The following RRP9 variants were observed in gnomAD, a reference collection of about 807,000 sequenced individuals.
The protein encoded by RRP9 is ribosomal RNA processing 9, U3 small nucleolar RNA binding protein.
Under a neutral mutation model 65.5 loss-of-function variants are expected in RRP9, and 35 were observed. The ratio of observed to expected loss-of-function variants is 0.53; its 90% CI spans 0.41 to 0.71. RRP9 has a LOEUF of 0.71. Ranked by LOEUF, RRP9 falls within the 30% of genes least tolerant of loss-of-function variation. RRP9 has a pLI of 0.00. For synonymous variants in RRP9, 254 were observed against 245.0 expected (o/e 1.04, Z -0.34); for missense variants, 533 against 633.6 (o/e 0.84, Z 1.70).
rs1699425690 is a variant in RRP9, at chr3:51,934,293, G to C, written c.1260+179C>G. Among the ~76,000 whole-genome samples, 1 of 152,194 alleles carries C rather than the reference G, an allele frequency of 6.6e-6. No homozygotes were observed. ...ACCCCAGCACCCTGGACAGGGCCTA[G>C]GATAGGAAGGGGAGCAGAGGAGGGA... On this transcript the variant is annotated intron_variant, in intron 13 of 14. Coordinates refer to ENST00000232888, the MANE Select transcript of RRP9 (RefSeq NM_004704.5). The surrounding 1 kb of genome is among the most constrained non-coding windows in gnomAD (Gnocchi z 4.1).
At position 51,936,348 on chromosome 3, in the gene RRP9, G is replaced by A. The variant is rs753881654; in HGVS notation, c.644C>T (p.Ala215Val). The A allele has an allele frequency of 2.1e-5, 34 of 1,614,072 alleles. No individual in the cohort carries two copies. The South Asian group carries it at 3.3e-4, about 16-fold the overall frequency. The change falls in exon 8 of 15, where the codon GCC becomes GTC. Residue 215 changes from alanine to valine, a missense_variant and splice_region_variant. Around this residue, in one of 3 missense-constraint regions of RRP9, gnomAD observed 449 missense variants for 550.6 expected, o/e 0.82. Transcript: ENST00000232888. The stretch of plus-strand genomic sequence containing the variant: ...AATGAGCTTGCTGCGGTCACCAGAG[G>A]CCTGCAGGGATGAAGACAATGATCA... ...MAISSDGKYL[A>V]SGDRSKLILI...
intron 1 of RRP9, 57 bp downstream of exon 1, chr3:51,941,724 G>A (rs1699536285): frequency 6.9e-7 from 1 of 1,448,752 alleles, no homozygotes; most frequent in Admixed American, 2.0e-5. Flanking sequence ...CCCTGGATGG[G>A]ATGACGGTTG....
At position 51,941,895 on chromosome 3, in the gene RRP9, C is replaced by T. The variant is rs1464871738; in HGVS notation, c.-28G>A. The T allele has an allele frequency of 2.1e-5, 32 of 1,548,706 alleles. No homozygotes were observed. The highest frequency in any genetic ancestry group is 5.5e-5 in the Admixed American group (3 of 55,030). The stretch of plus-strand genomic sequence containing the variant: ...TGCCCACCAGGCGTGTAGCAGCGGC[C>T]GCAGAACTCACGTGGCAGCTGAACC... On this transcript the variant is annotated 5_prime_UTR_variant, in exon 1 of 15. Transcript: ENST00000232888.
In RRP9 at chr3:51,937,947, C is replaced by T. The variant is rs945204074; in HGVS notation, c.280+148G>A. ...CAGGAGGCCCATGAGAGCTTCTGGC[C>T]ACCCCCACAGGGCAGCCAGCACTGA... On this transcript the variant is annotated intron_variant, in intron 3 of 14. Transcript: ENST00000232888. The surrounding 1 kb of genome is among the most constrained non-coding windows in gnomAD (Gnocchi z 5.0). The T allele has an allele frequency of 1.7e-4, 152 of 904,406 alleles. 1 individual carries two copies. The highest frequency in any genetic ancestry group is 1.4e-3 in the Middle Eastern group (4 of 2,882). The allele number at this position is 904,406 out of a possible 1,614,324, so 56.0% of individuals were successfully genotyped here.
At chr3:51,941,566 G>T (rs1699533204) in intron 1 of RRP9, 75 bp from the exon 2 acceptor site, 1 of 1,366,960 alleles carries the variant, frequency 7.3e-7, no homozygotes, top group Non-Finnish European at 1.0e-6. Context: ...CCCCCCCCTC[G>T]GTTCCCTCAG....
At chr3:51,936,059 T>G (rs542998931) in intron 8 of RRP9, among the ~76,000 whole-genome samples, 198 bp downstream of exon 8, 5 of 152,286 alleles carry the variant, frequency 3.3e-5, no homozygotes, top group African/African-American at 1.2e-4. Flanking sequence ...CGTTGATTCC[T>G]GAGCAAGCTC....
Position 51,937,729 on chromosome 3 carries a change from C to T in RRP9, c.288G>A (p.Glu96=), listed in dbSNP as rs1699476074. The part of the protein sequence containing the change: ...YLEQLRQQEE[E]KAEARAFEED... ...CCTCAAATGCACGGGCCTCAGCCTT[C>T]TCCTCCTCTGTGCAGGACAGACCAG... The change falls in exon 4 of 15, where the codon GAG becomes GAA. Residue 96 remains glutamate (E), a synonymous_variant. Coordinates refer to ENST00000232888, the MANE Select transcript of RRP9 (RefSeq NM_004704.5). The surrounding 1 kb of genome is among the most constrained non-coding windows in gnomAD (Gnocchi z 5.0). 1.2e-6 allele frequency: 2 copies of T among 1,614,126 alleles called. No individual in the cohort carries two copies. The highest frequency in any genetic ancestry group is 2.2e-5 in the East Asian group (1 of 44,884).
chr3:51,941,457 C>A lies in RRP9; in HGVS notation c.122G>T (p.Gly41Val), dbSNP rs1297588041. 4.3e-6 allele frequency: 7 copies of A among 1,614,178 alleles called. No homozygotes were observed. ...GATCTCCTCATTCATCTTGCCGCCA[C>A]CCTTGGATTTGCCCCTGTCCCCCGC... ...DSAGDRGKSK[G>V]GGKMNEEISS... Residue 41 changes from glycine (G) to valine (V), a missense_variant, in exon 2 of 15, where the codon GGT (glycine) becomes GTT (valine). Physicochemically the swap from Gly to Val is moderately radical, Grantham distance 109. Transcript: ENST00000232888.
Position 51,938,217 on chromosome 3 carries a change from AGGGGCT to A in RRP9, c.171-19_171-14del, listed in dbSNP as rs1699480380. The A allele has an allele frequency of 6.5e-7, 1 of 1,541,684 alleles. No homozygotes were observed. The highest frequency in any genetic ancestry group is 8.7e-7 in the Non-Finnish European group (1 of 1,147,080). The stretch of plus-strand genomic sequence containing the variant: ...CCTTGGAGCTAGGCTGTGGGCAGGA[AGGGGCT>A]GGGTCTGAGGGGCTCACCTTGTTCC... On this transcript the variant is annotated splice_polypyrimidine_tract_variant and intron_variant, in intron 2 of 14. Transcript: ENST00000232888.
chr3:51,936,652 A>T, intron 6 of RRP9, 97 bp from the exon 7 acceptor site: 1 of 1,348,456 alleles, frequency 7.4e-7, no homozygotes. Context: ...AGCCATGGCA[A>T]ATGTCCCGGA....
At chr3:51,935,822 C>A in intron 8 of RRP9, 130 bp from the exon 9 acceptor site, 1 of 701,402 alleles carries the variant, frequency 1.4e-6, no homozygotes, top group South Asian at 1.6e-5. Flanking sequence ...GTACTGCCCA[C>A]ATGCCCATCT....
intron 2 of RRP9, among the ~76,000 whole-genome samples, chr3:51,940,471 C>T (rs56746340): frequency 0.025 from 3,853 of 152,168 alleles, 170 homozygotes; most frequent in African/African-American, 0.089. Context: ...AGGGAGGCAT[C>T]CAAAGCCCTC....
At position 51,940,818 on chromosome 3, in the gene RRP9, T is replaced by C. The variant is rs79127582; in HGVS notation, c.170+591A>G. 2.2e-3 allele frequency among the ~76,000 whole-genome samples: 331 copies of C among 152,248 alleles called. 3 individuals carry two copies. The highest frequency in any genetic ancestry group is 7.1e-3 in the African/African-American group (296 of 41,526). On this transcript the variant is annotated intron_variant, in intron 2 of 14. Transcript: ENST00000232888. ...ATGAGTTACCAGGCCCAGCCCCCTT[T>C]CATCTTTTCTACTGCCCATTCTGGC...
Position 51,934,282 on chromosome 3 carries a change from G to C in RRP9, c.1260+190C>G, listed in dbSNP as rs899162418. On this transcript the variant is annotated intron_variant, in intron 13 of 14. Coordinates refer to ENST00000232888, the MANE Select transcript of RRP9 (RefSeq NM_004704.5). The surrounding 1 kb of genome is among the most constrained non-coding windows in gnomAD (Gnocchi z 4.1). ...CCCTGACTTGTACCCCAGCACCCTG[G>C]ACAGGGCCTAGGATAGGAAGGGGAG... Among the ~76,000 whole-genome samples, 23 of 152,318 alleles carry C rather than the reference G, an allele frequency of 1.5e-4. No homozygotes were observed. The highest frequency in any genetic ancestry group is 1.1e-3 in the Admixed American group (17 of 15,300).
Position 51,935,357 on chromosome 3 carries a change from A to G in RRP9, c.956T>C (p.Val319Ala). Residue 319 changes from valine (V) to alanine (A), a missense_variant, in exon 10 of 15, where the codon GTC (valine) becomes GCC (alanine). Coordinates refer to ENST00000232888, the MANE Select transcript of RRP9 (RefSeq NM_004704.5). ...GCCACCTTACTGGTGGCCATAGAAG[A>G]CAAGCTGGGACTCCTCGGGGATCTT... ...VWKIPEESQL[V>A]FYGHQGSIDC... 6.2e-7 allele frequency: 1 copy of G among 1,613,992 alleles called. No individual in the cohort carries two copies. Among genetic ancestry groups the G allele is most frequent in the Non-Finnish European group, 8.5e-7 (1 of 1,179,950 alleles).
At chr3:51,936,133 C>G (rs1391444719) in intron 8 of RRP9, 124 bp downstream of exon 8, 4 of 866,626 alleles carry the variant, frequency 4.6e-6, no homozygotes, top group Non-Finnish European at 5.7e-6. Flanking sequence ...CAGCACCACT[C>G]GCTACCCACT....
chr3:51,941,356 G>C, intron 2 of RRP9, 53 bp downstream of exon 2: 1 of 1,442,430 alleles, frequency 6.9e-7, no homozygotes, highest in Admixed American at 1.7e-5. Context: ...TCAGTCTTCC[G>C]TGCACCATGG....
Position 51,941,870 on chromosome 3 carries a change from T to G in RRP9, c.-3A>C. ...CGAGCAGCCGCTGTTGCCGACATGC[T>G]GCCCACCAGGCGTGTAGCAGCGGCC... On this transcript the variant is annotated 5_prime_UTR_variant, in exon 1 of 15. Transcript: ENST00000232888. The G allele has an allele frequency of 6.3e-7, 1 of 1,578,666 alleles. No individual in the cohort carries two copies. The highest frequency in any genetic ancestry group is 1.1e-5 in the South Asian group (1 of 87,606).
chr3:51,937,521 T>C lies in RRP9; in HGVS notation c.390+24A>G. 1.2e-6 allele frequency: 2 copies of C among 1,614,132 alleles called. No homozygotes were observed. Among genetic ancestry groups the C allele is most frequent in the Non-Finnish European group, 1.7e-6 (2 of 1,179,998 alleles). ...GGGCCCCCAATTCCCTCCAACCTTA[T>C]ACCAAAATACCATGCCCACTCACCT... On this transcript the variant is annotated intron_variant, in intron 5 of 14. Coordinates refer to ENST00000232888, the MANE Select transcript of RRP9 (RefSeq NM_004704.5). This position sits in a 1 kb window ranked among gnomAD's most constrained non-coding sequence, Gnocchi z 5.0.
Sources: gnomAD v4.1 joint callset for allele counts (sites outside exome capture counted in the v4.1 genomes callset) on GRCh38, gnomAD v4.1.1 for gene constraint, gnomAD v4.1.1 regional missense constraint, Gnocchi (gnomAD v3.1) non-coding constraint, MANE v1.5 for transcripts, NCBI Gene and HGNC (gene_info 2026-07-23, HGNC 2026-07-21) for gene names.